CADPS2: variants seen among roughly 807,000 people sequenced by gnomAD.
CADPS2 encodes the protein calcium-dependent secretion activator 2.
A neutral mutation model predicts 172.5 loss-of-function variants in CADPS2; 93 were observed. That is an observed-to-expected ratio of 0.54 (90% CI 0.46 to 0.64). CADPS2 has a LOEUF of 0.64. CADPS2 is among the 30% of genes least tolerant of loss of function. The pLI is 0.00. For missense variants in CADPS2, 1,420 were observed against 1,565.9 expected, an observed-to-expected ratio of 0.91 and a Z score of 1.57; for synonymous variants, 546 against 555.2, an observed-to-expected ratio of 0.98 and a Z score of 0.23.
chr7:122,740,278 A>C (rs1349939527), intron 1 of CADPS2, among the ~76,000 whole-genome samples: 1 of 152,210 alleles, frequency 6.6e-6, no homozygotes, highest in Non-Finnish European at 1.5e-5. Flanking sequence ...ACCTGTACAC[A>C]AATGTTTAAA....
intron 12 of CADPS2, chr7:122,480,063 C>T (rs2152251267): frequency 4.3e-6 from 2 of 469,038 alleles, no homozygotes; most frequent in Middle Eastern, 3.3e-4. Flanking sequence ...ACAGTTTAAC[C>T]AAAGAATGTC....
chr7:122,339,707 G>A lies in CADPS2; in HGVS notation c.3612+5867C>T, dbSNP rs141134530. On this transcript the variant is annotated intron_variant, in intron 28 of 29. Transcript: ENST00000449022. ...TTTCAGACTCGTCTGGCCAACGTGG[G>A]GAAACCCTGTTTCTACTAAAAATAC... Among the ~76,000 whole-genome samples, 378 of 152,176 alleles carry A rather than the reference G, an allele frequency of 2.5e-3. 1 individual carries two copies. Among genetic ancestry groups the A allele is most frequent in the African/African-American group, 8.6e-3 (359 of 41,518 alleles).
chr7:122,452,458 C>G (rs576688873), intron 14 of CADPS2, among the ~76,000 whole-genome samples: 1 of 152,208 alleles, frequency 6.6e-6, no homozygotes, highest in African/African-American at 2.4e-5. Flanking sequence ...TGCAATGGCA[C>G]GATCTTGGCT....
chr7:122,669,363 T>A (rs1312946812), intron 2 of CADPS2, among the ~76,000 whole-genome samples: 2 of 149,992 alleles, frequency 1.3e-5, no homozygotes, highest in African/African-American at 4.9e-5. Context: ...ATATTTTTTT[T>A]TTTTGAGAAA....
At chr7:122,514,436 T>G (rs1297953332) in intron 8 of CADPS2, among the ~76,000 whole-genome samples, 2 of 152,152 alleles carry the variant, frequency 1.3e-5, no homozygotes, top group African/African-American at 4.8e-5. Flanking sequence ...TCTGTCTTAT[T>G]AAAATAATCC....
At chr7:122,340,484 T>C (rs1443320734) in intron 28 of CADPS2, among the ~76,000 whole-genome samples, 1 of 152,174 alleles carries the variant, frequency 6.6e-6, no homozygotes, top group Non-Finnish European at 1.5e-5. Context: ...CAGTCAACTC[T>C]CAACTGCCTC....
At chr7:122,724,563 A>G (rs1479536373) in intron 2 of CADPS2, among the ~76,000 whole-genome samples, 1 of 152,078 alleles carries the variant, frequency 6.6e-6, no homozygotes, top group African/African-American at 2.4e-5. Context: ...CAGTGTACTT[A>G]GCAATTTAAC....
intron 22 of CADPS2, among the ~76,000 whole-genome samples, chr7:122,391,404 C>CA (rs1317223322): frequency 2.0e-5 from 3 of 151,930 alleles, no homozygotes; most frequent in Non-Finnish European, 4.4e-5. Flanking sequence ...AGATTACTAA[C>CA]AAAAAAATAA....
intron 7 of CADPS2, among the ~76,000 whole-genome samples, chr7:122,557,532 C>G (rs568195334): frequency 6.6e-6 from 1 of 152,212 alleles, no homozygotes; most frequent in East Asian, 1.9e-4. Flanking sequence ...TATCCTGAGG[C>G]AGAATGGGGA....
chr7:122,341,935 CT>C (rs980426243), intron 28 of CADPS2, among the ~76,000 whole-genome samples: 2 of 152,106 alleles, frequency 1.3e-5, no homozygotes, highest in Admixed American at 1.3e-4. Context: ...CCTGCCATAA[CT>C]TATTTATACT....
chr7:122,519,815 G>GA (rs571760660), intron 8 of CADPS2, among the ~76,000 whole-genome samples: 104 of 151,686 alleles, frequency 6.9e-4, no homozygotes, highest in African/African-American at 2.5e-3. Context: ...TGCTGTTTGG[G>GA]AAAAAAGTTA....
chr7:122,394,271 G>A (rs536087010), intron 20 of CADPS2, among the ~76,000 whole-genome samples: 1 of 152,158 alleles, frequency 6.6e-6, no homozygotes, highest in African/African-American at 2.4e-5. Context: ...CAAGGCTGCT[G>A]GGCAAGGTAT....
At chr7:122,534,777 T>C (rs1282774312) in intron 8 of CADPS2, among the ~76,000 whole-genome samples, 2 of 152,142 alleles carry the variant, frequency 1.3e-5, no homozygotes, top group African/African-American at 4.8e-5. Flanking sequence ...TTAATTCCTT[T>C]CATTCTCTTA....
rs80236888 is a variant in CADPS2, at chr7:122,687,122, A to G, written c.454-23553T>C. Among the ~76,000 whole-genome samples, 1,359 of 152,340 alleles carry G rather than the reference A, an allele frequency of 8.9e-3. 11 individuals are homozygous for G. The highest frequency in any genetic ancestry group is 0.017 in the South Asian group (81 of 4,832). On this transcript the variant is annotated intron_variant, in intron 2 of 29. Coordinates refer to ENST00000449022, the MANE Select transcript of CADPS2 (RefSeq NM_017954.11). ...ACCCTTCAAACTAAATACTTTTTAC[A>G]CAAGGGAGCTACTAGCTCCAATATC...
intron 1 of CADPS2, among the ~76,000 whole-genome samples, chr7:122,811,922 C>T (rs2214844): frequency 0.2 from 30,236 of 151,922 alleles, 3,136 homozygotes; most frequent in Middle Eastern, 0.3. Context: ...GTGGAAGAAA[C>T]TCTCTTTCAT....
chr7:122,782,016 C>T (rs1304970483), intron 1 of CADPS2, among the ~76,000 whole-genome samples: 1 of 152,154 alleles, frequency 6.6e-6, no homozygotes, highest in Non-Finnish European at 1.5e-5. Flanking sequence ...TTTTAGTTTT[C>T]ATCACATAGG....
chr7:122,446,152 A>G (rs1405299735), intron 15 of CADPS2, among the ~76,000 whole-genome samples: 1 of 152,184 alleles, frequency 6.6e-6, no homozygotes, highest in Admixed American at 6.5e-5. Context: ...TGGTAACAAT[A>G]GTCCTTCTAA....
intron 7 of CADPS2, among the ~76,000 whole-genome samples, chr7:122,557,754 C>G (rs188626881): frequency 6.6e-6 from 1 of 152,300 alleles, no homozygotes; most frequent in East Asian, 1.9e-4. Context: ...CTATGGCACA[C>G]CGGCTGGCTA....
chr7:122,413,114 C>T (rs1205654051), intron 19 of CADPS2: 1 of 152,382 alleles, frequency 6.6e-6, no homozygotes, highest in African/African-American at 2.4e-5. Context: ...GGTCTGTTTT[C>T]TTATCAGCAA....
Sources: gnomAD v4.1 joint callset for allele counts (sites outside exome capture counted in the v4.1 genomes callset) on GRCh38, gnomAD v4.1.1 for gene constraint, MANE v1.5 for transcripts, NCBI Gene and HGNC (gene_info 2026-07-23, HGNC 2026-07-21) for gene names.